Variants in CSMD1 observed in about 807,000 individuals in gnomAD.
CSMD1 encodes the protein CUB and Sushi multiple domains 1.
A neutral mutation model predicts 417.5 loss-of-function variants in CSMD1; 213 were observed. The observed-to-expected ratio is 0.51, with a 90% CI of 0.46 to 0.57. CSMD1 has a LOEUF of 0.57. CSMD1 is among the 20% of genes least tolerant of loss of function. The probability of loss-of-function intolerance (pLI) is 0.00; values close to 1 mark genes in which losing one functional copy is unlikely to be tolerated. For synonymous variants in CSMD1, 2,862 were observed against 1,736.8 expected (o/e 1.65, Z -16.11); for missense variants, 6,923 against 4,529.7 (o/e 1.53, Z -15.17).
intron 10 of CSMD1, among the ~76,000 whole-genome samples, chr8:3,532,129 C>A (rs1188907410): frequency 6.6e-6 from 1 of 152,112 alleles, no homozygotes; most frequent in Middle Eastern, 3.2e-3. Flanking sequence ...TTCTGGGACT[C>A]CTCTCTGGAG....
At chr8:3,297,731 C>G (rs1227620603) in intron 25 of CSMD1, among the ~76,000 whole-genome samples, 2 of 152,036 alleles carry the variant, frequency 1.3e-5, no homozygotes, top group Non-Finnish European at 2.9e-5. Context: ...ATTTGTATAG[C>G]TTTGGGGAGG....
At chr8:3,210,212 T>C (rs1170306231) in intron 30 of CSMD1, among the ~76,000 whole-genome samples, 1 of 152,104 alleles carries the variant, frequency 6.6e-6, no homozygotes, top group Non-Finnish European at 1.5e-5. Flanking sequence ...GGATCCAAGA[T>C]GCACTACAGG....
intron 10 of CSMD1, among the ~76,000 whole-genome samples, chr8:3,565,131 C>CAAAAAAAA (rs869248314): frequency 0.015 from 152 of 10,446 alleles, 22 homozygotes; most frequent in Non-Finnish European, 0.019. Context: ...TGCAAGACAG[C>CAAAAAAAA]AAAAAAAAAA....
intron 10 of CSMD1, among the ~76,000 whole-genome samples, chr8:3,557,901 A>C (rs73658187): frequency 0.075 from 11,350 of 152,206 alleles, 975 homozygotes; most frequent in African/African-American, 0.21. Context: ...ATAATAAGTT[A>C]TACGGTCAAC....
chr8:4,572,568 C>A (rs923852927), intron 2 of CSMD1, among the ~76,000 whole-genome samples: 1 of 152,076 alleles, frequency 6.6e-6, no homozygotes, highest in Non-Finnish European at 1.5e-5. Flanking sequence ...TGTGTTTCAA[C>A]CTTGGTGAAT....
At chr8:3,614,977 G>A (rs959729219) in intron 8 of CSMD1, among the ~76,000 whole-genome samples, 1 of 152,194 alleles carries the variant, frequency 6.6e-6, no homozygotes, top group South Asian at 2.1e-4. Context: ...TTGACACAAG[G>A]AAGGAATACA....
At chr8:3,994,969 C>T (rs1815088439) in intron 5 of CSMD1, among the ~76,000 whole-genome samples, 1 of 152,174 alleles carries the variant, frequency 6.6e-6, no homozygotes. Context: ...CACCACCCTC[C>T]TGGCTCTGTG....
chr8:3,154,332 T>C lies in CSMD1; in HGVS notation c.5915-2819A>G, dbSNP rs187286734. ...GTCTTAGATTGGTTCAGTGTCCATC[T>C]CTGTGTGGTCATCAAGTTGCAGACT... On this transcript the variant is annotated intron_variant, in intron 39 of 69. Transcript: ENST00000635120. Among the ~76,000 whole-genome samples, 201 of 152,326 alleles carry C rather than the reference T, an allele frequency of 1.3e-3. 2 individuals are homozygous for C. The highest frequency in any genetic ancestry group is 6.8e-3 in the South Asian group (33 of 4,828).
intron 1 of CSMD1, among the ~76,000 whole-genome samples, chr8:4,812,278 G>A (rs1016568617): frequency 7.9e-5 from 12 of 152,160 alleles, no homozygotes; most frequent in African/African-American, 1.7e-4. Context: ...AGTTTGTCGG[G>A]GAGGTGGGGG....
At chr8:4,829,751 AAAAAAG>A (rs1475547988) in intron 1 of CSMD1, among the ~76,000 whole-genome samples, 1 of 152,002 alleles carries the variant, frequency 6.6e-6, no homozygotes, top group Non-Finnish European at 1.5e-5. Context: ...AAAAAAAAAA[AAAAAAG>A]AAACTCACAT....
intron 3 of CSMD1, among the ~76,000 whole-genome samples, chr8:4,388,834 C>T (rs920192558): frequency 5.3e-5 from 8 of 152,184 alleles, no homozygotes; most frequent in African/African-American, 1.9e-4. Context: ...TCCTGCCTTC[C>T]CTTTGATTTA....
At chr8:4,170,247 T>C (rs1011601332) in intron 3 of CSMD1, among the ~76,000 whole-genome samples, 1 of 151,886 alleles carries the variant, frequency 6.6e-6, no homozygotes, top group East Asian at 1.9e-4. Flanking sequence ...TCTCTCTTTC[T>C]CTTTTTGAAT....
chr8:4,508,533 A>G (rs1802651819), intron 2 of CSMD1, among the ~76,000 whole-genome samples: 1 of 152,164 alleles, frequency 6.6e-6, no homozygotes, highest in African/African-American at 2.4e-5. Context: ...ATAAATTTGC[A>G]AGATGAAGTT....
chr8:3,481,015 G>C (rs1817712503), intron 11 of CSMD1, among the ~76,000 whole-genome samples: 1 of 151,614 alleles, frequency 6.6e-6, no homozygotes, highest in African/African-American at 2.4e-5. Context: ...AATTAGCCAG[G>C]CGTGGTGGCA....
intron 23 of CSMD1, among the ~76,000 whole-genome samples, chr8:3,323,545 A>C (rs1437476689): frequency 6.6e-6 from 1 of 151,428 alleles, no homozygotes; most frequent in Non-Finnish European, 1.5e-5. Context: ...CATCAAAAGA[A>C]AACTTTAAAC....
At chr8:3,881,615 A>C (rs1806209033) in intron 5 of CSMD1, among the ~76,000 whole-genome samples, 1 of 144,058 alleles carries the variant, frequency 6.9e-6, no homozygotes, top group African/African-American at 2.8e-5. Flanking sequence ...TCTCAAAAAA[A>C]AAAAAAACAA....
intron 10 of CSMD1, among the ~76,000 whole-genome samples, chr8:3,558,705 G>C (rs1457096936): frequency 6.7e-6 from 1 of 149,456 alleles, no homozygotes; most frequent in Admixed American, 6.6e-5. Context: ...CTCCCGCAAT[G>C]ATGAATAGTG....
At chr8:4,021,611 T>C (rs1796792383) in intron 4 of CSMD1, among the ~76,000 whole-genome samples, 1 of 152,162 alleles carries the variant, frequency 6.6e-6, no homozygotes, top group South Asian at 2.1e-4. Context: ...TCAAATGACT[T>C]ATCACATGTA....
chr8:3,785,316 G>A (rs920380829), intron 5 of CSMD1, among the ~76,000 whole-genome samples: 7 of 152,182 alleles, frequency 4.6e-5, no homozygotes, highest in African/African-American at 7.2e-5. Context: ...TTCAGGCTGC[G>A]GAAAATAAAT....
Sources: allele counts gnomAD v4.1 joint callset (sites outside exome capture counted in the v4.1 genomes callset), GRCh38; gene constraint gnomAD v4.1.1; transcripts MANE v1.5; gene names NCBI Gene and HGNC (gene_info 2026-07-23, HGNC 2026-07-21).